TMEM131: variants seen among roughly 807,000 people sequenced by gnomAD.
TMEM131 encodes 2610524E03Rik.
In TMEM131, 66 loss-of-function variants were observed where a neutral mutation model predicts 211.6. The ratio of observed to expected loss-of-function variants is 0.31; its 90% CI spans 0.26 to 0.38. The LOEUF is 0.38. Among genes scored for constraint, TMEM131 ranks in the 10% least tolerant of loss-of-function variants. The pLI, the probability that TMEM131 is intolerant of heterozygous loss-of-function variation, is 1.00. For synonymous variants in TMEM131, 844 were observed against 841.3 expected (o/e 1.00, Z -0.06); for missense variants, 2,036 against 2,299.3 (o/e 0.89, Z 2.34).
At chr2:97,948,575 C>A (rs1197370632) in intron 1 of TMEM131, among the ~76,000 whole-genome samples, 1 of 152,118 alleles carries the variant, frequency 6.6e-6, no homozygotes, top group Non-Finnish European at 1.5e-5. Flanking sequence ...CAAGGATGTG[C>A]AGGAAGTGGA....
intron 3 of TMEM131, among the ~76,000 whole-genome samples, chr2:97,905,626 T>G (rs1231615387): frequency 6.6e-6 from 1 of 152,210 alleles, no homozygotes; most frequent in African/African-American, 2.4e-5. Flanking sequence ...CACTAAGCTT[T>G]TCTTTTGCAA....
intron 1 of TMEM131, among the ~76,000 whole-genome samples, chr2:97,948,633 G>A (rs1678155383): frequency 6.6e-6 from 1 of 151,796 alleles, no homozygotes; most frequent in Non-Finnish European, 1.5e-5. Context: ...AACCACTTTG[G>A]ATAACATGTC....
At position 97,801,942 on chromosome 2, in the gene TMEM131, C is replaced by T. The variant is rs201554591; in HGVS notation, c.2671G>A (p.Ala891Thr). The T allele has an allele frequency of 1.3e-4, 214 of 1,607,800 alleles. No individual in the cohort carries two copies. Among genetic ancestry groups the T allele is most frequent in the Non-Finnish European group, 1.7e-4 (199 of 1,176,980 alleles). ...LVSRFNLSKV[A>T]KIDLRTLEFQ... ...TCTAGTGTTCTCAAATCTATCTTTG[C>T]CACCTTACTCAAGTTAAACCTAAAA... The change falls in exon 25 of 41, where the codon GCA (alanine) becomes ACA (threonine). Residue 891 changes from alanine (A) to threonine (T), a missense_variant. Coordinates refer to ENST00000186436, the MANE Select transcript of TMEM131 (RefSeq NM_015348.2).
intron 4 of TMEM131, among the ~76,000 whole-genome samples, chr2:97,872,062 G>A (rs568086207): frequency 2.0e-5 from 3 of 151,712 alleles, no homozygotes; most frequent in Admixed American, 2.0e-4. Context: ...AGGGAGGAAG[G>A]GCAGAGAGAA....
intron 1 of TMEM131, among the ~76,000 whole-genome samples, chr2:97,949,307 C>CA (rs900302817): frequency 8.6e-5 from 13 of 152,044 alleles, no homozygotes; most frequent in African/African-American, 3.1e-4. Context: ...GTATAATATG[C>CA]AAACTAATCT....
At chr2:97,816,241 T>C (rs1681821960) in intron 12 of TMEM131, among the ~76,000 whole-genome samples, 1 of 152,092 alleles carries the variant, frequency 6.6e-6, no homozygotes, top group South Asian at 2.1e-4. Context: ...GTTGGCAGGC[T>C]GAGGCAGGAG....
At chr2:97,887,756 G>A (rs1675220867) in intron 4 of TMEM131, 1 of 268,618 alleles carries the variant, frequency 3.7e-6, no homozygotes. Context: ...AAATAAAAAT[G>A]AAGTGCTAAT....
At chr2:97,814,890 A>T (rs879732263) in intron 13 of TMEM131, among the ~76,000 whole-genome samples, 2 of 152,210 alleles carry the variant, frequency 1.3e-5, no homozygotes, top group Admixed American at 6.5e-5. Context: ...TCACTTACAT[A>T]TTACAAACAA....
In TMEM131 at chr2:97,766,238, T is replaced by C. The variant is rs1187017248; in HGVS notation, c.4599A>G (p.Arg1533=). The C allele has an allele frequency of 2.5e-6, 4 of 1,613,924 alleles. No individual in the cohort carries two copies. The highest frequency in any genetic ancestry group is 2.7e-5 in the African/African-American group (2 of 74,932). ...GGAGGAATTTTGCTAGGGCAGGTGG[T>C]CTGTTATCCACTAACTTACTTGTAC... ...TKGTSKLVDN[R]PPALAKFLPN... The change falls in exon 35 of 41, where the codon AGA becomes AGG. Residue 1533 remains arginine (R), a synonymous_variant. Coordinates refer to ENST00000186436, the MANE Select transcript of TMEM131 (RefSeq NM_015348.2).
chr2:97,979,115 C>T (rs1017484127), intron 1 of TMEM131, among the ~76,000 whole-genome samples: 2 of 152,146 alleles, frequency 1.3e-5, no homozygotes, highest in African/African-American at 4.8e-5. Flanking sequence ...TTTTTCCGAG[C>T]AGTAGGTCTC....
intron 1 of TMEM131, among the ~76,000 whole-genome samples, chr2:97,988,265 AAT>A (rs1455365464): frequency 6.6e-6 from 1 of 152,226 alleles, no homozygotes; most frequent in Non-Finnish European, 1.5e-5. Flanking sequence ...CATGCAAAAG[AAT>A]AGAGTTATAC....
intron 22 of TMEM131, 86 bp downstream of exon 22, chr2:97,805,002 T>C: frequency 1.1e-6 from 1 of 945,460 alleles, no homozygotes; most frequent in Non-Finnish European, 1.5e-6. Flanking sequence ...CAAAATAATC[T>C]AACATAAGAA....
chr2:97,961,455 T>TA (rs1482466538), intron 1 of TMEM131, among the ~76,000 whole-genome samples: 5 of 152,162 alleles, frequency 3.3e-5, no homozygotes, highest in Admixed American at 3.3e-4. Flanking sequence ...TGTTTGGGAT[T>TA]AAAAACTCCA....
chr2:97,912,660 T>C (rs890493838), intron 2 of TMEM131, among the ~76,000 whole-genome samples: 13 of 152,190 alleles, frequency 8.5e-5, no homozygotes, highest in Non-Finnish European at 1.9e-4. Flanking sequence ...GGAAAATATG[T>C]ATATGCATGT....
intron 1 of TMEM131, among the ~76,000 whole-genome samples, chr2:97,995,184 C>A (rs572051030): frequency 6.6e-6 from 1 of 152,314 alleles, no homozygotes; most frequent in South Asian, 2.1e-4. Context: ...CGCAATAAAG[C>A]CAAAAAATAT....
chr2:97,821,356 G>GT (rs1196796175), intron 11 of TMEM131, among the ~76,000 whole-genome samples: 6 of 152,166 alleles, frequency 3.9e-5, no homozygotes, highest in Non-Finnish European at 8.8e-5. Flanking sequence ...AATCAACACT[G>GT]TAAAATGGAC....
chr2:97,818,548 T>G, intron 12 of TMEM131, 65 bp downstream of exon 12: 1 of 1,084,400 alleles, frequency 9.2e-7, no homozygotes, highest in Non-Finnish European at 1.4e-6. Context: ...AAGACGTTAA[T>G]ACAGATGCTT....
chr2:97,802,909 T>C lies in TMEM131; in HGVS notation c.2403-119A>G. The C allele has an allele frequency of 5.1e-6, 4 of 791,846 alleles. No individual in the cohort carries two copies. In the South Asian group the frequency reaches 8.1e-5, roughly 16 times the overall value. 49.1% of individuals were successfully genotyped at this position (791,846 alleles called of 1,614,324 possible). On this transcript the variant is annotated intron_variant, in intron 22 of 40. Transcript: ENST00000186436. ...TTTTTGCTGGCCCTGAAAAAACACATTTATTCATTCTAATATTTTACTATG... is the reference window on the plus strand; with the variant it reads ...TTTTTGCTGGCCCTGAAAAAACACACTTATTCATTCTAATATTTTACTATG...
In TMEM131 at chr2:97,756,998, G is replaced by A; in HGVS notation, c.*101C>T. Reference sequence around the variant, plus strand: ...TCTGTTTTGCAAAGAAGAGGAGGGTGGGGAGGGGAGCTGCAGTAAGAGCCT... The same window carrying A: ...TCTGTTTTGCAAAGAAGAGGAGGGTAGGGAGGGGAGCTGCAGTAAGAGCCT... On this transcript the variant is annotated 3_prime_UTR_variant, in exon 41 of 41. Transcript: ENST00000186436. 2 of 1,386,090 alleles carry A rather than the reference G, an allele frequency of 1.4e-6. No individual in the cohort carries two copies. Among genetic ancestry groups the A allele is most frequent in the East Asian group, 2.5e-5 (1 of 39,722 alleles). 85.9% of individuals were successfully genotyped at this position (1,386,090 alleles called of 1,614,324 possible).
Sources: allele counts gnomAD v4.1 joint callset (sites outside exome capture counted in the v4.1 genomes callset), GRCh38; gene constraint gnomAD v4.1.1; transcripts MANE v1.5; gene names NCBI Gene and HGNC (gene_info 2026-07-23, HGNC 2026-07-21).